AGBL1: variants seen among roughly 807,000 people sequenced by gnomAD.
AGBL1 encodes cytosolic carboxypeptidase 4.
Under a neutral mutation model 118.9 loss-of-function variants are expected in AGBL1, and 130 were observed. The observed-to-expected ratio is 1.09, with a 90% confidence interval of 0.95 to 1.26. AGBL1 has a LOEUF of 1.26. Ranked by LOEUF, AGBL1 falls within the 50% of genes most tolerant of loss-of-function variation. The pLI, the probability that AGBL1 is intolerant of heterozygous loss-of-function variation, is 0.00. For missense variants in AGBL1, 1,584 were observed against 1,298.1 expected (o/e 1.22, Z -3.38); for synonymous variants, 555 against 478.9 (o/e 1.16, Z -2.08).
chr15:86,264,367 A>C lies in AGBL1; in HGVS notation c.1196A>C (p.Asp399Ala). 1 of 1,613,712 alleles carries C rather than the reference A, an allele frequency of 6.2e-7. No individual in the cohort carries two copies. The highest frequency in any genetic ancestry group is 8.5e-7 in the Non-Finnish European group (1 of 1,179,750). The change falls in exon 11 of 23, where the codon GAC becomes GCC. Residue 399 changes from aspartate to alanine, a missense_variant. Coordinates refer to ENST00000614907, the MANE Select transcript of AGBL1 (RefSeq NM_001386094.1). ...TCAAAACAGCATTGCTACAGCAAGG[A>C]CCAAAGCTCCTGTGGGCAAGAAAGA... ...ASSKQHCYSK[D>A]QSSCGQEREY... is the part of the protein sequence containing the mutation.
chr15:86,129,806 G>A (rs62012440), intron 1 of AGBL1, among the ~76,000 whole-genome samples: 4,443 of 152,224 alleles, frequency 0.029, 88 homozygotes, highest in African/African-American at 0.047. Context: ...GAAGTAACTC[G>A]TTGATAGATT....
chr15:86,250,069 A>T (rs1188876149), intron 7 of AGBL1, among the ~76,000 whole-genome samples: 1 of 152,178 alleles, frequency 6.6e-6, no homozygotes, highest in Non-Finnish European at 1.5e-5. Flanking sequence ...CTCTGCAAGT[A>T]TGATATGGAA....
At chr15:86,634,647 A>G (rs2085047276) in intron 21 of AGBL1, among the ~76,000 whole-genome samples, 2 of 152,136 alleles carry the variant, frequency 1.3e-5, no homozygotes, top group South Asian at 2.1e-4. Flanking sequence ...GGCCTGTACA[A>G]CTCTGTGAAT....
At chr15:86,143,881 G>A (rs2076998138) in intron 3 of AGBL1, 36 bp downstream of exon 3, 1 of 1,605,940 alleles carries the variant, frequency 6.2e-7, no homozygotes, top group Non-Finnish European at 8.5e-7. Context: ...TGACTGAAAA[G>A]GCACTTCTAG....
chr15:86,682,495 G>C (rs1186171739), intron 22 of AGBL1, among the ~76,000 whole-genome samples: 2 of 152,044 alleles, frequency 1.3e-5, no homozygotes, highest in Non-Finnish European at 2.9e-5. Flanking sequence ...GAAGCTATTG[G>C]TAAATTGATT....
At chr15:86,170,430 A>C (rs1227192397) in intron 5 of AGBL1, among the ~76,000 whole-genome samples, 1 of 152,186 alleles carries the variant, frequency 6.6e-6, no homozygotes, top group Non-Finnish European at 1.5e-5. Context: ...TAGGGACAGA[A>C]AAAAATATTT....
chr15:86,866,918 C>T (rs1232608809), intron 22 of AGBL1, among the ~76,000 whole-genome samples: 1 of 152,170 alleles, frequency 6.6e-6, no homozygotes, highest in Non-Finnish European at 1.5e-5. Flanking sequence ...AAGAGAGTAT[C>T]AGTAGAGCAT....
chr15:86,323,897 G>A (rs1486625216), intron 17 of AGBL1, among the ~76,000 whole-genome samples: 1 of 152,038 alleles, frequency 6.6e-6, no homozygotes, highest in African/African-American at 2.4e-5. Context: ...GTGCAGTCTG[G>A]CATGACTTGC....
intron 17 of AGBL1, among the ~76,000 whole-genome samples, chr15:86,324,636 C>T (rs28616142): frequency 0.36 from 54,568 of 151,926 alleles, 10,155 homozygotes; most frequent in Middle Eastern, 0.48. Context: ...GGGAGACAGT[C>T]GATAAACTGT....
At chr15:86,767,908 T>C (rs1007104362) in intron 22 of AGBL1, among the ~76,000 whole-genome samples, 1 of 152,004 alleles carries the variant, frequency 6.6e-6, no homozygotes, top group African/African-American at 2.4e-5. Context: ...AAAATTTGCA[T>C]AACTCAACCT....
chr15:86,574,823 C>CT, intron 21 of AGBL1, among the ~76,000 whole-genome samples: 1 of 151,678 alleles, frequency 6.6e-6, no homozygotes, highest in Non-Finnish European at 1.5e-5. Context: ...AGTGACCTAC[C>CT]GTCCTTGGCC....
At chr15:86,243,670 A>G (rs2078672657) in intron 6 of AGBL1, among the ~76,000 whole-genome samples, 1 of 152,142 alleles carries the variant, frequency 6.6e-6, no homozygotes, top group Non-Finnish European at 1.5e-5. Flanking sequence ...AAAGACCCTC[A>G]GAACTCTCTG....
chr15:86,271,515 TCA>T lies in AGBL1; in HGVS notation c.1988-101_1988-100del, dbSNP rs1219914535. On this transcript the variant is annotated intron_variant, in intron 14 of 22. Transcript: ENST00000614907. ...CTCTTTGGCGATATATAGTTAACAG[TCA>T]CAGTTTCCAGGGATTAAGACCTATG... 13 of 873,954 alleles carry T rather than the reference TCA, an allele frequency of 1.5e-5. No individual in the cohort carries two copies. In the East Asian group the frequency reaches 3.1e-4, roughly 21 times the overall value. The allele number at this position is 873,954 out of a possible 1,614,324, so 54.1% of individuals were successfully genotyped here. A position where few individuals can be genotyped will look rare whatever the true frequency, so the allele number is the denominator to read the frequency against.
chr15:86,512,371 T>G, intron 18 of AGBL1, among the ~76,000 whole-genome samples: 1 of 151,964 alleles, frequency 6.6e-6, no homozygotes, highest in Non-Finnish European at 1.5e-5. Flanking sequence ...ACCTCTATAT[T>G]TGAAAAATCA....
At chr15:86,130,876 G>T (rs567923599) in intron 1 of AGBL1, among the ~76,000 whole-genome samples, 1 of 152,104 alleles carries the variant, frequency 6.6e-6, no homozygotes, top group Non-Finnish European at 1.5e-5. Context: ...GTTCTTTCCT[G>T]GTGTCTCTTG....
intron 22 of AGBL1, among the ~76,000 whole-genome samples, chr15:86,723,583 C>A (rs961254188): frequency 7.2e-5 from 11 of 151,882 alleles, no homozygotes; most frequent in African/African-American, 2.7e-4. Flanking sequence ...TGCAGCACAC[C>A]AACATGGCAC....
chr15:86,564,658 A>C (rs548917375), intron 21 of AGBL1, among the ~76,000 whole-genome samples: 3 of 152,198 alleles, frequency 2.0e-5, no homozygotes, highest in South Asian at 2.1e-4. Context: ...TCTGTATTTC[A>C]TGAATTTGAA....
chr15:86,837,072 A>G (rs2079179796), intron 22 of AGBL1, among the ~76,000 whole-genome samples: 1 of 152,160 alleles, frequency 6.6e-6, no homozygotes, highest in African/African-American at 2.4e-5. Flanking sequence ...TCCTTTCCCC[A>G]AATAAAAATT....
chr15:86,141,546 C>G (rs1475551103), intron 1 of AGBL1, among the ~76,000 whole-genome samples: 2 of 152,104 alleles, frequency 1.3e-5, no homozygotes, highest in Non-Finnish European at 2.9e-5. Context: ...AGTTACTTGG[C>G]AGGCTGAGGC....
Sources: gnomAD v4.1 joint callset for allele counts (sites outside exome capture counted in the v4.1 genomes callset) on GRCh38, gnomAD v4.1.1 for gene constraint, MANE v1.5 for transcripts, NCBI Gene and HGNC (gene_info 2026-07-23, HGNC 2026-07-21) for gene names.